Variants in WWOX observed in about 807,000 individuals in gnomAD.
The protein encoded by WWOX is WW domain-containing oxidoreductase.
In WWOX, 69 loss-of-function variants were observed where a neutral mutation model predicts 46.2. The observed-to-expected ratio is 1.49, with a 90% CI of 1.23 to 1.82. WWOX has a LOEUF of 1.82. Ranked by LOEUF, WWOX falls within the 40% of genes most tolerant of loss-of-function variation. The probability of loss-of-function intolerance (pLI) is 0.00; values close to 1 mark genes in which losing one functional copy is unlikely to be tolerated. For missense variants in WWOX, 919 were observed against 542.6 expected, an observed-to-expected ratio of 1.69 and a Z score of -6.89; for synonymous variants, 359 against 202.6, an observed-to-expected ratio of 1.77 and a Z score of -6.56.
chr16:79,119,816 A>G (rs967099960), intron 8 of WWOX, among the ~76,000 whole-genome samples: 1 of 152,194 alleles, frequency 6.6e-6, no homozygotes, highest in Non-Finnish European at 1.5e-5. Context: ...CACTAGGATC[A>G]AGAGGCCAGA....
rs999420219 is a variant in WWOX, at chr16:78,797,742, C to G, written c.1056+364990C>G. 2.0e-5 allele frequency among the ~76,000 whole-genome samples: 3 copies of G among 152,338 alleles called. No homozygotes were observed. The East Asian group carries it at 5.8e-4, about 29-fold the overall frequency. ...TTAGGTCATGCCTGTAATCCCAGCA[C>G]TTTGGGAGGTCGAGGCAGGAGGATC... On this transcript the variant is annotated intron_variant, in intron 8 of 8. Transcript: ENST00000566780.
chr16:79,199,866 A>T (rs1362978835), intron 8 of WWOX, among the ~76,000 whole-genome samples: 3 of 152,132 alleles, frequency 2.0e-5, no homozygotes, highest in Admixed American at 2.0e-4. Context: ...TTCTAAGAGG[A>T]TGAATCCTAA....
intron 8 of WWOX, among the ~76,000 whole-genome samples, chr16:78,556,345 A>C (rs187203355): frequency 2.7e-3 from 406 of 151,922 alleles, no homozygotes; most frequent in African/African-American, 9.6e-3. Flanking sequence ...GGCTGTCAGG[A>C]TCTGGTTCAA....
chr16:78,702,124 T>A (rs11150096), intron 8 of WWOX, among the ~76,000 whole-genome samples: 28,407 of 104,972 alleles, frequency 0.27, 4,234 homozygotes, highest in East Asian at 0.47. Flanking sequence ...ATATATATAT[T>A]TATTTATTTT....
chr16:79,021,836 A>G (rs146628303), intron 8 of WWOX, among the ~76,000 whole-genome samples: 2 of 152,342 alleles, frequency 1.3e-5, no homozygotes, highest in South Asian at 2.1e-4. Context: ...AGCTTGTTCA[A>G]TCACACATAC....
At chr16:79,157,663 A>G (rs549400132) in intron 8 of WWOX, among the ~76,000 whole-genome samples, 18 of 152,318 alleles carry the variant, frequency 1.2e-4, no homozygotes, top group East Asian at 3.9e-4. Flanking sequence ...TCAGGAGACA[A>G]TGACCACTGA....
chr16:78,530,453 G>A (rs28562150), intron 8 of WWOX, among the ~76,000 whole-genome samples: 6,730 of 152,248 alleles, frequency 0.044, 326 homozygotes, highest in African/African-American at 0.12. Flanking sequence ...ATTTTCCCCT[G>A]GAGCTATGCC....
intron 8 of WWOX, among the ~76,000 whole-genome samples, chr16:78,978,652 A>C (rs566433092): frequency 1.3e-5 from 2 of 152,294 alleles, no homozygotes; most frequent in South Asian, 4.1e-4. Context: ...TCATGGCAGA[A>C]GGTAAAGGGG....
At chr16:78,321,922 T>C (rs910542216) in intron 5 of WWOX, among the ~76,000 whole-genome samples, 2 of 152,150 alleles carry the variant, frequency 1.3e-5, no homozygotes. Flanking sequence ...CAAATGGATT[T>C]TAGTTGTGAG....
chr16:78,770,193 A>G (rs952907614), intron 8 of WWOX, among the ~76,000 whole-genome samples: 5 of 152,076 alleles, frequency 3.3e-5, no homozygotes, highest in African/African-American at 1.2e-4. Flanking sequence ...TCTACTAAAA[A>G]TACAAAAGTG....
intron 4 of WWOX, among the ~76,000 whole-genome samples, chr16:78,157,235 T>C (rs2034636768): frequency 6.6e-6 from 1 of 152,196 alleles, no homozygotes; most frequent in Admixed American, 6.5e-5. Flanking sequence ...TTGGTCACTG[T>C]GTTGCTTGCA....
At chr16:78,824,880 C>T (rs2051605632) in intron 8 of WWOX, among the ~76,000 whole-genome samples, 1 of 152,098 alleles carries the variant, frequency 6.6e-6, no homozygotes, top group Non-Finnish European at 1.5e-5. Context: ...GAGAACAGAA[C>T]AGAGAGGAAG....
At chr16:78,409,525 G>A (rs974838865) in intron 6 of WWOX, among the ~76,000 whole-genome samples, 3 of 152,156 alleles carry the variant, frequency 2.0e-5, no homozygotes, top group African/African-American at 7.2e-5. Flanking sequence ...GTATTTGTCT[G>A]TTTCTGCTAA....
In WWOX at chr16:78,757,038, T is replaced by A. The variant is rs532978063; in HGVS notation, c.1056+324286T>A. ...CATGTGAGTGAACCACGTTCGAAGT[T>A]GATTCTGCAGCCCTAGTTAAGCCTT... On this transcript the variant is annotated intron_variant, in intron 8 of 8. Transcript: ENST00000566780. The A allele has an allele frequency of 3.8e-4, 270 of 702,884 alleles. 3 individuals are homozygous for A. The East Asian group carries it at 6.9e-3, about 18-fold the overall frequency. 43.5% of individuals were successfully genotyped at this position (702,884 alleles called of 1,614,324 possible). A position where few individuals can be genotyped will look rare whatever the true frequency, so the allele number is the denominator to read the frequency against.
intron 8 of WWOX, among the ~76,000 whole-genome samples, chr16:78,631,489 G>T (rs1375512537): frequency 6.6e-6 from 1 of 151,084 alleles, no homozygotes; most frequent in Non-Finnish European, 1.5e-5. Flanking sequence ...TTATATGATT[G>T]TCCTTTATTA....
At chr16:78,313,785 G>A (rs1222093674) in intron 5 of WWOX, among the ~76,000 whole-genome samples, 1 of 152,178 alleles carries the variant, frequency 6.6e-6, no homozygotes, top group Non-Finnish European at 1.5e-5. Flanking sequence ...GAGGGCTAGA[G>A]AGGCCATCAG....
intron 5 of WWOX, among the ~76,000 whole-genome samples, chr16:78,372,584 C>G (rs1393757699): frequency 6.6e-6 from 1 of 152,148 alleles, no homozygotes; most frequent in Admixed American, 6.5e-5. Flanking sequence ...CCTCCATGGT[C>G]CCATCTGAAC....
intron 5 of WWOX, among the ~76,000 whole-genome samples, chr16:78,246,218 A>G (rs1052795138): frequency 3.3e-5 from 5 of 152,336 alleles, no homozygotes; most frequent in African/African-American, 1.2e-4. Flanking sequence ...ACAGTTTGTT[A>G]TTACATGGAA....
intron 1 of WWOX, among the ~76,000 whole-genome samples, chr16:78,100,411 C>T (rs1009549983): frequency 6.6e-6 from 1 of 152,136 alleles, no homozygotes; most frequent in Non-Finnish European, 1.5e-5. Flanking sequence ...CACTACTATG[C>T]CCGACTAATT....
Sources: gnomAD v4.1 joint callset for allele counts (sites outside exome capture counted in the v4.1 genomes callset) on GRCh38, gnomAD v4.1.1 for gene constraint, MANE v1.5 for transcripts, NCBI Gene and HGNC (gene_info 2026-07-23, HGNC 2026-07-21) for gene names.